The following GALNT17 variants were observed in gnomAD, a reference collection of about 807,000 sequenced individuals.
The protein encoded by GALNT17 is UDP-GalNAc:polypeptide N-acetylgalactosaminyltransferase-like 3.
GALNT17 carries 29 observed loss-of-function variants against 63.7 expected under a neutral mutation model. That is an observed-to-expected ratio of 0.46 (90% CI 0.34 to 0.62). The LOEUF (loss-of-function observed/expected upper bound fraction) is 0.62, where lower values mean the gene tolerates loss of function less well. GALNT17 is among the 20% of genes least tolerant of loss of function. The probability of loss-of-function intolerance (pLI) is 0.01; values close to 1 mark genes in which losing one functional copy is unlikely to be tolerated. For synonymous variants in GALNT17, 305 were observed against 318.3 expected (o/e 0.96, Z 0.45); for missense variants, 603 against 799.6 (o/e 0.75, Z 2.97).
At chr7:71,268,895 T>C (rs891612390) in intron 1 of GALNT17, among the ~76,000 whole-genome samples, 1 of 152,080 alleles carries the variant, frequency 6.6e-6, no homozygotes, top group African/African-American at 2.4e-5. Flanking sequence ...TGGCTTCTTC[T>C]AGCATGACCA....
intron 1 of GALNT17, among the ~76,000 whole-genome samples, chr7:71,332,518 G>T (rs1429472350): frequency 6.6e-6 from 1 of 151,982 alleles, no homozygotes; most frequent in Non-Finnish European, 1.5e-5. Flanking sequence ...TTCTTGCAAG[G>T]TCACCTATAT....
chr7:71,135,914 A>G (rs1343607300), intron 1 of GALNT17, among the ~76,000 whole-genome samples: 1 of 152,142 alleles, frequency 6.6e-6, no homozygotes, highest in East Asian at 1.9e-4. Flanking sequence ...CTGACTTGCA[A>G]GTTGGCAGCA....
intron 6 of GALNT17, among the ~76,000 whole-genome samples, chr7:71,574,780 C>G (rs544820414): frequency 7.9e-5 from 12 of 152,262 alleles, no homozygotes; most frequent in African/African-American, 2.9e-4. Flanking sequence ...TTACCAAGCC[C>G]TCCTACCCCA....
intron 1 of GALNT17, among the ~76,000 whole-genome samples, chr7:71,134,927 C>T (rs1301677711): frequency 1.5e-5 from 2 of 132,920 alleles, no homozygotes; most frequent in African/African-American, 5.5e-5. Context: ...TCATAGCTCA[C>T]TGAAGCTTCA....
chr7:71,354,312 A>G (rs1311110682), intron 2 of GALNT17, among the ~76,000 whole-genome samples: 1 of 152,208 alleles, frequency 6.6e-6, no homozygotes, highest in Non-Finnish European at 1.5e-5. Flanking sequence ...TGTCTTTGAC[A>G]GAAGTGCCTC....
intron 1 of GALNT17, among the ~76,000 whole-genome samples, chr7:71,147,791 C>T (rs1788052254): frequency 6.6e-6 from 1 of 151,968 alleles, no homozygotes; most frequent in African/African-American, 2.4e-5. Flanking sequence ...ACCACCACAC[C>T]CGGCTAATTT....
At chr7:71,432,980 T>C (rs1235903151) in intron 5 of GALNT17, among the ~76,000 whole-genome samples, 1 of 152,118 alleles carries the variant, frequency 6.6e-6, no homozygotes, top group Non-Finnish European at 1.5e-5. Context: ...TGGCTAATTT[T>C]TTGTATTTTT....
intron 1 of GALNT17, among the ~76,000 whole-genome samples, chr7:71,257,747 G>T (rs1397181662): frequency 6.6e-6 from 1 of 152,170 alleles, no homozygotes; most frequent in Non-Finnish European, 1.5e-5. Flanking sequence ...ACCAACAGGT[G>T]ATGCCAGAAG....
chr7:71,230,406 A>G (rs1413294302), intron 1 of GALNT17, among the ~76,000 whole-genome samples: 1 of 152,192 alleles, frequency 6.6e-6, no homozygotes, highest in Non-Finnish European at 1.5e-5. Flanking sequence ...CCAGGCATGC[A>G]GCCCACGTTC....
At chr7:71,611,766 A>G (rs964344676) in intron 6 of GALNT17, among the ~76,000 whole-genome samples, 2 of 152,158 alleles carry the variant, frequency 1.3e-5, no homozygotes, top group Non-Finnish European at 2.9e-5. Context: ...GCGGAAGACC[A>G]TGGTGTAGAA....
chr7:71,585,283 T>C (rs1323934490), intron 6 of GALNT17, among the ~76,000 whole-genome samples: 1 of 152,214 alleles, frequency 6.6e-6, no homozygotes, highest in Admixed American at 6.5e-5. Context: ...GTCAGCCTGA[T>C]TGATTCATTA....
intron 1 of GALNT17, among the ~76,000 whole-genome samples, chr7:71,303,737 C>T (rs757065029): frequency 2.0e-5 from 3 of 152,002 alleles, no homozygotes; most frequent in Non-Finnish European, 2.9e-5. Context: ...GGACTCCCCT[C>T]TAAAGAAGCC....
chr7:71,372,751 G>A (rs945216069), intron 2 of GALNT17, among the ~76,000 whole-genome samples: 6 of 152,252 alleles, frequency 3.9e-5, no homozygotes, highest in Middle Eastern at 3.4e-3. Context: ...CACTGCCCCC[G>A]GCCATAATTA....
chr7:71,311,053 A>C lies in GALNT17; in HGVS notation c.239-24497A>C, dbSNP rs537487439. Among the ~76,000 whole-genome samples, 69 of 152,282 alleles carry C rather than the reference A, an allele frequency of 4.5e-4. 1 individual carries two copies. The Middle Eastern group carries it at 0.017, about 38-fold the overall frequency. ...AAGAGGAATGGCTGCTCTGTATTTC[A>C]TTTCAGCAAGTCTCCATGGATATTA... On this transcript the variant is annotated intron_variant, in intron 1 of 10. Coordinates refer to ENST00000333538, the MANE Select transcript of GALNT17 (RefSeq NM_022479.3).
intron 5 of GALNT17, among the ~76,000 whole-genome samples, chr7:71,495,637 C>G (rs1006076122): frequency 1.6e-4 from 24 of 152,112 alleles, no homozygotes; most frequent in Non-Finnish European, 4.4e-5. Context: ...TGACTGATCT[C>G]CTGACCCGGC....
intron 5 of GALNT17, among the ~76,000 whole-genome samples, chr7:71,492,072 G>A (rs1474885598): frequency 2.0e-5 from 3 of 152,166 alleles, no homozygotes; most frequent in African/African-American, 7.2e-5. Flanking sequence ...ATGAGGTCAG[G>A]AGATCGAGAC....
chr7:71,201,543 C>T (rs987430665), intron 1 of GALNT17, among the ~76,000 whole-genome samples: 13 of 150,750 alleles, frequency 8.6e-5, no homozygotes, highest in South Asian at 2.1e-4. Flanking sequence ...AGATTGGATA[C>T]GGATCTAAGT....
intron 5 of GALNT17, among the ~76,000 whole-genome samples, chr7:71,450,127 T>C (rs555548669): frequency 1.6e-4 from 22 of 137,526 alleles, no homozygotes; most frequent in African/African-American, 5.3e-4. Flanking sequence ...TATTAGTTGT[T>C]AGTATTTAAA....
chr7:71,454,621 G>C (rs138228510), intron 5 of GALNT17, among the ~76,000 whole-genome samples: 9 of 152,186 alleles, frequency 5.9e-5, no homozygotes, highest in African/African-American at 2.2e-4. Context: ...TTTATGCTGA[G>C]TGGGGTGGCT....
Sources: gnomAD v4.1 joint callset for allele counts (sites outside exome capture counted in the v4.1 genomes callset) on GRCh38, gnomAD v4.1.1 for gene constraint, MANE v1.5 for transcripts, NCBI Gene and HGNC (gene_info 2026-07-23, HGNC 2026-07-21) for gene names.